Variants in NAT1 observed in about 807,000 individuals in gnomAD.
NAT1 encodes the protein N-acetyltransferase 1, also known as arylamine N-acetyltransferase 1.
For missense variants in NAT1, 400 were observed against 339.2 expected (o/e 1.18, Z -1.41); for synonymous variants, 144 against 122.6 (o/e 1.17, Z -1.16).
chr8:18,181,100 C>A (rs867151374), intron 2 of NAT1, among the ~76,000 whole-genome samples: 54 of 151,840 alleles, frequency 3.6e-4, no homozygotes, highest in African/African-American at 1.1e-3. Context: ...GTAGTATGGC[C>A]ATTTTAAGAA....
chr8:18,175,744 G>A (rs1320280260), intron 2 of NAT1, among the ~76,000 whole-genome samples: 1 of 151,902 alleles, frequency 6.6e-6, no homozygotes, highest in African/African-American at 2.4e-5. Flanking sequence ...TGCAATTCCT[G>A]GGTCATATGG....
chr8:18,180,485 TG>T (rs987672346), intron 2 of NAT1, among the ~76,000 whole-genome samples: 1 of 152,188 alleles, frequency 6.6e-6, no homozygotes, highest in Admixed American at 6.5e-5. Flanking sequence ...TTTGAATCTA[TG>T]TTCATTAGGA....
chr8:18,219,801 T>C (rs7003890), intron 2 of NAT1, among the ~76,000 whole-genome samples: 73,216 of 152,008 alleles, frequency 0.48, 18,109 homozygotes, highest in Non-Finnish European at 0.54. Flanking sequence ...CAAAACTGAC[T>C]TCTTTCAAAT....
At position 18,214,021 on chromosome 8, in the gene NAT1, G is replaced by A. The variant is rs1299058216; in HGVS notation, c.-86+3841G>A. ...GTAGAGACAGGGTTTCACCGTGTTA[G>A]CCAGGATGGTCTCGATCTCCTGACC... is the stretch of plus-strand genomic sequence containing the variant. On this transcript the variant is annotated intron_variant, in intron 1 of 2. Transcript: ENST00000307719. Among the ~76,000 whole-genome samples the A allele has an allele frequency of 2.0e-5, 3 of 152,170 alleles. No individual in the cohort carries two copies. In the East Asian group the frequency reaches 5.8e-4, roughly 29 times the overall value.
chr8:18,219,070 G>C (rs758945166), intron 1 of NAT1, among the ~76,000 whole-genome samples: 1 of 152,158 alleles, frequency 6.6e-6, no homozygotes, highest in Non-Finnish European at 1.5e-5. Context: ...TCATGGTAGT[G>C]ACTGGGGGCA....
rs79991021 is a variant in NAT1 at position 18,201,774 on chromosome 8, G to A, written n.93-8007G>A. On this transcript the variant is annotated intron_variant and non_coding_transcript_variant, in intron 2 of 4. Transcript: ENST00000517441. The stretch of plus-strand genomic sequence containing the variant: ...CCTCTTTTTGGGGACCTAGGATTCA[G>A]TGTGAAAATGGGATTCTTGATTTCG... 8.5e-3 allele frequency among the ~76,000 whole-genome samples: 1,290 copies of A among 152,244 alleles called. 16 individuals are homozygous for A. The highest frequency in any genetic ancestry group is 0.029 in the African/African-American group (1,212 of 41,532).
At chr8:18,172,256 A>G (rs1036185385) in intron 2 of NAT1, among the ~76,000 whole-genome samples, 4 of 152,198 alleles carry the variant, frequency 2.6e-5, no homozygotes, top group African/African-American at 9.6e-5. Flanking sequence ...GTTACAATAG[A>G]AACTTTTAAG....
chr8:18,216,114 A>G (rs1168953942), intron 1 of NAT1, among the ~76,000 whole-genome samples: 1 of 151,688 alleles, frequency 6.6e-6, no homozygotes, highest in Non-Finnish European at 1.5e-5. Context: ...AAATGCAAGG[A>G]CTCTGCATTT....
rs1241106979 is a variant in NAT1, at chr8:18,222,164, C to G, written c.117C>G (p.Asn39Lys). Reference protein sequence around the residue: ...QHQIRAVPFENLNIHCGDAMD... With the variant: ...QHQIRAVPFEKLNIHCGDAMD... ...AGATCCGAGCTGTTCCCTTTGAGAACCTTAACATCCATTGTGGGGATGCCA... is the reference window on the plus strand; with the variant it reads ...AGATCCGAGCTGTTCCCTTTGAGAAGCTTAACATCCATTGTGGGGATGCCA... Residue 39 changes from asparagine (N) to lysine (K), a missense_variant, in exon 3 of 3, where the codon AAC (asparagine) becomes AAG (lysine). Asn to Lys is a moderately conservative substitution (Grantham distance 94). Coordinates refer to ENST00000307719, the MANE Select transcript of NAT1 (RefSeq NM_000662.8). 6.2e-7 allele frequency: 1 copy of G among 1,613,994 alleles called. No homozygotes were observed.
chr8:18,175,297 A>G (rs1475030905), intron 2 of NAT1, among the ~76,000 whole-genome samples: 1 of 152,084 alleles, frequency 6.6e-6, no homozygotes, highest in African/African-American at 2.4e-5. Context: ...AGTGCAACCA[A>G]TCACTAAATC....
Position 18,194,475 on chromosome 8 carries a change from A to G in NAT1, n.93-15306A>G, listed in dbSNP as rs991895109. Among the ~76,000 whole-genome samples, 8 of 152,252 alleles carry G rather than the reference A, an allele frequency of 5.3e-5. No homozygotes were observed. In the East Asian group the frequency reaches 7.7e-4, roughly 15 times the overall value. On this transcript the variant is annotated intron_variant and non_coding_transcript_variant, in intron 2 of 4. Transcript: ENST00000517441. Reference sequence around the variant, plus strand: ...TGGTGGAGGTCTGTTATCTCCATATAGAGAGTTTAATGGCCCTGTAGACAC... The same window carrying G: ...TGGTGGAGGTCTGTTATCTCCATATGGAGAGTTTAATGGCCCTGTAGACAC...
intron 2 of NAT1, among the ~76,000 whole-genome samples, chr8:18,188,201 C>T (rs557629721): frequency 6.6e-6 from 1 of 152,170 alleles, no homozygotes; most frequent in African/African-American, 2.4e-5. Context: ...CACAAGTAAA[C>T]AATTAGACAC....
intron 2 of NAT1, among the ~76,000 whole-genome samples, chr8:18,171,803 G>T (rs1788265950): frequency 6.6e-6 from 1 of 152,158 alleles, no homozygotes; most frequent in Non-Finnish European, 1.5e-5. Flanking sequence ...GACTGAAACA[G>T]TATTAACTTA....
intron 2 of NAT1, among the ~76,000 whole-genome samples, chr8:18,189,744 C>A (rs374759931): frequency 1.0e-3 from 159 of 152,314 alleles, no homozygotes; most frequent in African/African-American, 3.7e-3. Flanking sequence ...TTAGAAGTCA[C>A]AGAGTTCTGT....
chr8:18,171,073 A>T (rs966488664), intron 2 of NAT1, among the ~76,000 whole-genome samples: 2 of 152,094 alleles, frequency 1.3e-5, no homozygotes, highest in Admixed American at 6.6e-5. Context: ...CGGCATTTGA[A>T]TCCAGGGTTT....
At position 18,189,392 on chromosome 8, in the gene NAT1, T is replaced by C. The variant is rs777900787; in HGVS notation, n.92+18653T>C. ...TCAGCACCTCTCATTTGGAGAGTAG[T>C]ACGAGATGGGAAAAGAGAGCAATAC... On this transcript the variant is annotated intron_variant and non_coding_transcript_variant, in intron 2 of 4. Coordinates refer to the NAT1 transcript ENST00000517441. Among the ~76,000 whole-genome samples, 6 of 152,250 alleles carry C rather than the reference T, an allele frequency of 3.9e-5. No individual in the cohort carries two copies. In the South Asian group the frequency reaches 1.0e-3, roughly 26 times the overall value.
intron 1 of NAT1, among the ~76,000 whole-genome samples, chr8:18,218,508 T>C (rs967757080): frequency 6.6e-6 from 1 of 152,212 alleles, no homozygotes; most frequent in Non-Finnish European, 1.5e-5. Flanking sequence ...CCATGTTAAT[T>C]CTTTCATTAC....
At chr8:18,218,470 C>G (rs528105819) in intron 1 of NAT1, among the ~76,000 whole-genome samples, 2 of 152,106 alleles carry the variant, frequency 1.3e-5, no homozygotes, top group African/African-American at 4.8e-5. Flanking sequence ...GGACTTAAAA[C>G]GTGAGATCAT....
chr8:18,194,834 A>AG (rs1803169610), intron 2 of NAT1, among the ~76,000 whole-genome samples: 1 of 143,318 alleles, frequency 7.0e-6, no homozygotes, highest in South Asian at 2.2e-4. Flanking sequence ...AAAAAAAAAA[A>AG]GAATATTCAG....
Sources: allele counts gnomAD v4.1 joint callset (sites outside exome capture counted in the v4.1 genomes callset), GRCh38; gene constraint gnomAD v4.1.1; transcripts MANE v1.5; gene names NCBI Gene and HGNC (gene_info 2026-07-23, HGNC 2026-07-21).